Variants in NT5DC1 observed in about 807,000 individuals in gnomAD.
NT5DC1 encodes the protein 5'-nucleotidase domain-containing protein 1.
NT5DC1 carries 42 observed loss-of-function variants against 59.4 expected under a neutral mutation model. The observed-to-expected ratio is 0.71, with a 90% CI of 0.55 to 0.92. The LOEUF (loss-of-function observed/expected upper bound fraction) is 0.92, where lower values mean the gene tolerates loss of function less well. Among genes scored for constraint, NT5DC1 ranks in the 40% least tolerant of loss-of-function variants. The pLI is 0.00. For synonymous variants in NT5DC1, 172 were observed against 188.1 expected, an observed-to-expected ratio of 0.91 and a Z score of 0.70; for missense variants, 501 against 537.1, an observed-to-expected ratio of 0.93 and a Z score of 0.66.
intron 6 of NT5DC1, among the ~76,000 whole-genome samples, chr6:116,122,788 G>A (rs1023337374): frequency 8.6e-5 from 13 of 152,036 alleles, no homozygotes; most frequent in South Asian, 4.1e-4. Flanking sequence ...TAGATATGCC[G>A]AAATAGGAAA....
intron 6 of NT5DC1, among the ~76,000 whole-genome samples, chr6:116,145,948 C>G (rs568298399): frequency 1.3e-5 from 2 of 152,306 alleles, no homozygotes; most frequent in African/African-American, 4.8e-5. Flanking sequence ...GGTATGCAGT[C>G]TAGTGTTTGT....
intron 2 of NT5DC1, among the ~76,000 whole-genome samples, chr6:116,106,902 A>T (rs1174978259): frequency 6.6e-6 from 1 of 152,180 alleles, no homozygotes; most frequent in Admixed American, 6.5e-5. Context: ...TTCAGTTTAA[A>T]ATCAGGCCAG....
intron 6 of NT5DC1, among the ~76,000 whole-genome samples, chr6:116,135,410 C>T (rs1779564848): frequency 2.0e-5 from 3 of 151,566 alleles, no homozygotes; most frequent in African/African-American, 7.3e-5. Flanking sequence ...CATCCATAAC[C>T]GCCCCCCCCA....
intron 6 of NT5DC1, chr6:116,121,209 A>T: frequency 6.2e-7 from 1 of 1,613,510 alleles, no homozygotes; most frequent in Non-Finnish European, 8.5e-7. Context: ...AGGCCTGGCA[A>T]GCCTGGTTTC....
intron 6 of NT5DC1, among the ~76,000 whole-genome samples, chr6:116,169,350 A>G (rs1780554216): frequency 6.6e-6 from 1 of 152,246 alleles, no homozygotes; most frequent in African/African-American, 2.4e-5. Flanking sequence ...TTTCCACAAC[A>G]TTTAAAAAAT....
chr6:116,237,200 T>C (rs1782132108), intron 9 of NT5DC1, 116 bp downstream of exon 9: 3 of 678,592 alleles, frequency 4.4e-6, no homozygotes, highest in South Asian at 1.7e-5. Flanking sequence ...TTTGTCAATG[T>C]AGACAGGCTG....
intron 6 of NT5DC1, among the ~76,000 whole-genome samples, chr6:116,151,952 T>C (rs910010877): frequency 1.3e-5 from 2 of 152,206 alleles, no homozygotes; most frequent in Non-Finnish European, 2.9e-5. Flanking sequence ...TTGGGGAGTA[T>C]TGATGCCAAC....
At chr6:116,222,890 T>C in intron 7 of NT5DC1, 144 bp from the exon 8 acceptor site, 1 of 566,164 alleles carries the variant, frequency 1.8e-6, no homozygotes, top group Non-Finnish European at 3.1e-6. Context: ...CCTTAAAGTG[T>C]GTGAGAAAAA....
At chr6:116,190,762 C>A (rs1384879093) in intron 6 of NT5DC1, among the ~76,000 whole-genome samples, 4 of 151,944 alleles carry the variant, frequency 2.6e-5, no homozygotes, top group African/African-American at 7.2e-5. Context: ...GTATGTAAAA[C>A]GTCTGGAAAG....
At chr6:116,230,155 T>C (rs2114551552) in intron 8 of NT5DC1, among the ~76,000 whole-genome samples, 1 of 152,302 alleles carries the variant, frequency 6.6e-6, no homozygotes. Flanking sequence ...CACTAGGCCA[T>C]CTAACCCCTC....
intron 6 of NT5DC1, among the ~76,000 whole-genome samples, chr6:116,164,990 G>A (rs1273436344): frequency 1.3e-5 from 2 of 151,692 alleles, no homozygotes; most frequent in Admixed American, 6.6e-5. Flanking sequence ...CCAGCTACTC[G>A]GGAGGCTGGG....
intron 8 of NT5DC1, among the ~76,000 whole-genome samples, chr6:116,226,275 G>A (rs1372483251): frequency 1.3e-5 from 2 of 151,538 alleles, no homozygotes; most frequent in Non-Finnish European, 2.9e-5. Flanking sequence ...ATTTTTGTGG[G>A]GTTTGCATAT....
intron 6 of NT5DC1, among the ~76,000 whole-genome samples, chr6:116,204,065 T>C (rs186277818): frequency 5.3e-5 from 8 of 151,942 alleles, no homozygotes; most frequent in Admixed American, 3.3e-4. Context: ...CCAGCTCACT[T>C]TGGGCAGTAT....
intron 8 of NT5DC1, among the ~76,000 whole-genome samples, chr6:116,229,410 C>G (rs1781966867): frequency 6.6e-6 from 1 of 152,052 alleles, no homozygotes. Flanking sequence ...AATCACGAAA[C>G]ACAGCATGGC....
chr6:116,121,199 AG>A (rs1406908112), intron 6 of NT5DC1: 1 of 1,613,428 alleles, frequency 6.2e-7, no homozygotes, highest in South Asian at 1.1e-5. Flanking sequence ...TTCTCCCTTC[AG>A]GCCTGGCAAG....
At chr6:116,216,497 A>G (rs1323964252) in intron 6 of NT5DC1, among the ~76,000 whole-genome samples, 1 of 151,904 alleles carries the variant, frequency 6.6e-6, no homozygotes, top group Non-Finnish European at 1.5e-5. Flanking sequence ...TGGAAATCAG[A>G]TACTGTTAAA....
At chr6:116,227,325 A>G (rs1781929498) in intron 8 of NT5DC1, among the ~76,000 whole-genome samples, 1 of 152,214 alleles carries the variant, frequency 6.6e-6, no homozygotes, top group East Asian at 1.9e-4. Flanking sequence ...AAGGTCAAAT[A>G]GTATTCCATT....
At chr6:116,180,332 A>G (rs1780847825) in intron 6 of NT5DC1, among the ~76,000 whole-genome samples, 1 of 152,054 alleles carries the variant, frequency 6.6e-6, no homozygotes, top group Admixed American at 6.5e-5. Context: ...AACGCAAGGT[A>G]ACTCATTGGT....
Position 116,135,688 on chromosome 6 carries a change from G to A in NT5DC1, c.529+17743G>A, listed in dbSNP as rs565044405. Among the ~76,000 whole-genome samples the A allele has an allele frequency of 6.0e-5, 9 of 150,764 alleles. No individual in the cohort carries two copies. The East Asian group carries it at 1.6e-3, about 26-fold the overall frequency. ...TTTTTTTCCTGATATATATGCTGCTGGCAGTACTCTAAACTGTGGATCAAC... is the reference window on the plus strand; with the variant it reads ...TTTTTTTCCTGATATATATGCTGCTAGCAGTACTCTAAACTGTGGATCAAC... On this transcript the variant is annotated intron_variant, in intron 6 of 11. Transcript: ENST00000319550.
Sources: gnomAD v4.1 joint callset for allele counts (sites outside exome capture counted in the v4.1 genomes callset) on GRCh38, gnomAD v4.1.1 for gene constraint, MANE v1.5 for transcripts, NCBI Gene and HGNC (gene_info 2026-07-23, HGNC 2026-07-21) for gene names.